Variants in WASF3 observed in about 807,000 individuals in gnomAD.
WASF3 encodes the protein actin-binding protein WASF3.
A neutral mutation model predicts 46.6 loss-of-function variants in WASF3; 11 were observed. The observed-to-expected ratio is 0.24, with a 90% CI of 0.15 to 0.39. The LOEUF (loss-of-function observed/expected upper bound fraction) is 0.39, where lower values mean the gene tolerates loss of function less well. WASF3 is among the 10% of genes least tolerant of loss of function. WASF3 has a pLI of 1.00. For missense variants in WASF3, 576 were observed against 669.8 expected (o/e 0.86, Z 1.55); for synonymous variants, 242 against 259.7 (o/e 0.93, Z 0.65).
chr13:26,672,124 A>G (rs1298079), intron 6 of WASF3, 135 bp downstream of exon 6: 194,130 of 669,898 alleles, frequency 0.29, 30,845 homozygotes, highest in East Asian at 0.6. Context: ...TTTCTCACAA[A>G]AGATCCTGAC....
At chr13:26,590,159 G>A (rs940004945) in intron 1 of WASF3, among the ~76,000 whole-genome samples, 1 of 152,114 alleles carries the variant, frequency 6.6e-6, no homozygotes, top group African/African-American at 2.4e-5. Context: ...TTGAAGCCTG[G>A]ATGCTTTCAT....
chr13:26,548,100 G>A, the WASF3 span, among the ~76,000 whole-genome samples: 14 of 152,200 alleles, frequency 9.2e-5, no homozygotes, highest in South Asian at 6.2e-4. Context: ...TCTGGTTTTC[G>A]GATTCTCATA....
chr13:26,597,782 A>G (rs865932102), intron 1 of WASF3, among the ~76,000 whole-genome samples: 4 of 152,188 alleles, frequency 2.6e-5, no homozygotes, highest in African/African-American at 9.7e-5. Context: ...ATGTCCCTAC[A>G]AAGGACATGA....
At position 26,687,746 on chromosome 13, in the gene WASF3, T is replaced by TA. The variant is rs1178540763; in HGVS notation, c.*1906dup. On this transcript the variant is annotated 3_prime_UTR_variant, in exon 10 of 10. Coordinates refer to ENST00000335327, the MANE Select transcript of WASF3 (RefSeq NM_006646.6). ...CTCTTTTTTTTTTTTTTGTTGTTGT[T>TA]AAAAAGGGCCTACTACATTGGCGCT... 5.3e-5 allele frequency: 8 copies of TA among 151,696 alleles called. No homozygotes were observed. The highest frequency in any genetic ancestry group is 8.8e-5 in the Non-Finnish European group (6 of 67,924). 9.4% of individuals were successfully genotyped at this position (151,696 alleles called of 1,614,324 possible). A position where few individuals can be genotyped will look rare whatever the true frequency, so the allele number is the denominator to read the frequency against.
chr13:26,684,452 T>C (rs1473338278), intron 9 of WASF3, among the ~76,000 whole-genome samples: 1 of 90,880 alleles, frequency 1.1e-5, no homozygotes, highest in African/African-American at 5.7e-5. Flanking sequence ...ACTATCCAGA[T>C]TAAAGGACAT....
chr13:26,634,959 T>C (rs538393175), intron 2 of WASF3, among the ~76,000 whole-genome samples: 51 of 152,198 alleles, frequency 3.4e-4, no homozygotes, highest in Non-Finnish European at 5.9e-4. Flanking sequence ...CTGACAATTA[T>C]GTGTCTTGGG....
At chr13:26,554,092 CTTCCTTCTTTCTTTCTTTCTTTCT>C (rs1879038286), upstream of WASF3, among the ~76,000 whole-genome samples, 9 of 23,258 alleles carry the variant, frequency 3.9e-4, no homozygotes, top group African/African-American at 1.3e-3. Flanking sequence ...TCCTTCCTTC[CTTCCTTCTTTCTTTCTTTCTTTCT>C]TTCTTTCTTT....
At chr13:26,583,590 A>T (rs963112116) in intron 1 of WASF3, among the ~76,000 whole-genome samples, 2 of 152,200 alleles carry the variant, frequency 1.3e-5, no homozygotes, top group African/African-American at 2.4e-5. Context: ...AAATTTTTTT[A>T]AATTATGAAT....
chr13:26,598,789 C>T (rs183872442), intron 1 of WASF3, among the ~76,000 whole-genome samples: 61 of 152,324 alleles, frequency 4.0e-4, no homozygotes, highest in Non-Finnish European at 6.8e-4. Context: ...CCTTTCTGGA[C>T]AGTGGTGAGT....
chr13:26,582,676 C>CAAAAAAA (rs398022033), intron 1 of WASF3, among the ~76,000 whole-genome samples: 4 of 53,392 alleles, frequency 7.5e-5, no homozygotes, highest in African/African-American at 8.2e-5. Flanking sequence ...GACTCCGTCT[C>CAAAAAAA]AAAAAAAAAA....
the WASF3 span, among the ~76,000 whole-genome samples, chr13:26,550,145 A>G: frequency 6.6e-6 from 1 of 152,232 alleles, no homozygotes; most frequent in East Asian, 1.9e-4. Context: ...ATCTGAAAGC[A>G]TGATAGGTCC....
At chr13:26,550,642 G>A in the WASF3 span, among the ~76,000 whole-genome samples, 1 of 152,060 alleles carries the variant, frequency 6.6e-6, no homozygotes. Flanking sequence ...AAGGTTCTGG[G>A]GTCCAAGGTA....
chr13:26,671,756 TAA>T, intron 5 of WASF3, 114 bp from the exon 6 acceptor site: 1 of 668,332 alleles, frequency 1.5e-6, no homozygotes, highest in Non-Finnish European at 2.5e-6. Flanking sequence ...TAGGAGAGTT[TAA>T]GTGCCCCATG....
At chr13:26,578,039 A>C (rs1879854151) in intron 1 of WASF3, among the ~76,000 whole-genome samples, 1 of 152,182 alleles carries the variant, frequency 6.6e-6, no homozygotes, top group Non-Finnish European at 1.5e-5. Context: ...TAGGATCATA[A>C]AATGTGGTAA....
Position 26,669,514 on chromosome 13 carries a change from A to T in WASF3, c.422+1844A>T, listed in dbSNP as rs537354131. ...GAAGTACAAAGTGACTGAAAAAAAAATTTTTTTTTTTGAGACGAAGTTTTG... is the reference window on the plus strand; with the variant it reads ...GAAGTACAAAGTGACTGAAAAAAAATTTTTTTTTTTTGAGACGAAGTTTTG... On this transcript the variant is annotated intron_variant, in intron 5 of 9. Transcript: ENST00000335327. Among the ~76,000 whole-genome samples, 18 of 150,054 alleles carry T rather than the reference A, an allele frequency of 1.2e-4. No individual in the cohort carries two copies. In the South Asian group the frequency reaches 3.4e-3, roughly 29 times the overall value.
At chr13:26,559,805 T>TTG (rs1566034565) in intron 1 of WASF3, among the ~76,000 whole-genome samples, 1 of 46,008 alleles carries the variant, frequency 2.2e-5, no homozygotes, top group Non-Finnish European at 4.4e-5. Flanking sequence ...TCTTTCTTTC[T>TTG]TTCTTTTTTT....
At chr13:26,607,132 A>C (rs1880824176) in intron 1 of WASF3, among the ~76,000 whole-genome samples, 1 of 152,260 alleles carries the variant, frequency 6.6e-6, no homozygotes, top group Non-Finnish European at 1.5e-5. Context: ...GCATCTGCTG[A>C]GTGTCTTGGA....
intron 2 of WASF3, 169 bp from the exon 3 acceptor site, chr13:26,642,092 A>G (rs1882015781): frequency 1.7e-6 from 1 of 590,942 alleles, no homozygotes. Context: ...AGGCTCTATA[A>G]AACTCACTAA....
chr13:26,623,417 A>G lies in WASF3; in HGVS notation c.-11+10359A>G, dbSNP rs892535022. On this transcript the variant is annotated intron_variant, in intron 2 of 9. Transcript: ENST00000335327. Reference sequence around the variant, plus strand: ...AACCTCTAGCCCATAGGACTCAGCAAAGATCTATTTCTGGCAGAGGTTTAG... The same window carrying G: ...AACCTCTAGCCCATAGGACTCAGCAGAGATCTATTTCTGGCAGAGGTTTAG... Among the ~76,000 whole-genome samples the G allele has an allele frequency of 2.1e-4, 32 of 152,178 alleles. 1 individual carries two copies. Among genetic ancestry groups the G allele is most frequent in the Admixed American group, 1.5e-3 (23 of 15,280 alleles).
Sources: allele counts gnomAD v4.1 joint callset (sites outside exome capture counted in the v4.1 genomes callset), GRCh38; gene constraint gnomAD v4.1.1; transcripts MANE v1.5; gene names NCBI Gene and HGNC (gene_info 2026-07-23, HGNC 2026-07-21).